PARP16: variants seen among roughly 807,000 people sequenced by gnomAD.
PARP16 encodes protein mono-ADP-ribosyltransferase PARP16.
Under a neutral mutation model 35.0 loss-of-function variants are expected in PARP16, and 31 were observed. The ratio of observed to expected loss-of-function variants is 0.88; its 90% CI spans 0.66 to 1.19. PARP16 has a LOEUF of 1.19. Among genes scored for constraint, PARP16 ranks in the 50% most tolerant of loss-of-function variants. The pLI, the probability that PARP16 is intolerant of heterozygous loss-of-function variation, is 0.00. For synonymous variants in PARP16, 162 were observed against 169.5 expected, an observed-to-expected ratio of 0.96 and a Z score of 0.34; for missense variants, 424 against 411.2, an observed-to-expected ratio of 1.03 and a Z score of -0.27.
downstream of PARP16, among the ~76,000 whole-genome samples, chr15:65,253,133 CAA>C (rs548065703): frequency 5.9e-5 from 5 of 84,810 alleles, no homozygotes; most frequent in Non-Finnish European, 2.5e-5. Context: ...AACTCCGTCT[CAA>C]AAAAAAAAAA....
intron 1 of PARP16, among the ~76,000 whole-genome samples, chr15:65,279,955 C>T (rs1267829870): frequency 6.6e-6 from 1 of 151,526 alleles, no homozygotes; most frequent in Non-Finnish European, 1.5e-5. Context: ...AAAGAATGAT[C>T]TTTCCAAACC....
intron 1 of PARP16, among the ~76,000 whole-genome samples, chr15:65,280,270 CTACTAAAAA>C (rs1026472560): frequency 2.6e-5 from 4 of 151,806 alleles, no homozygotes; most frequent in Non-Finnish European, 5.9e-5. Flanking sequence ...AACCCCATCT[CTACTAAAAA>C]TACAAAAATT....
Position 65,271,025 on chromosome 15 carries a change from G to A in PARP16, c.222C>T (p.Ser74=), listed in dbSNP as rs778351240. The A allele has an allele frequency of 2.3e-5, 37 of 1,613,492 alleles. No individual in the cohort carries two copies. Among genetic ancestry groups the A allele is most frequent in the African/African-American group, 2.7e-5 (2 of 74,902 alleles). Residue 74 remains serine, a synonymous_variant, in exon 2 of 6, where the codon TCC becomes TCT. Transcript: ENST00000649807. ...KLPNLKELLQ[S]SGDNHKRAWD... ...AGGCCCGTTTGTGGTTGTCTCCGGA[G>A]GACTGGAGAAGTTCTTTCAGGTTAG...
intron 3 of PARP16, among the ~76,000 whole-genome samples, chr15:65,237,879 C>T (rs1567007176): frequency 6.6e-6 from 1 of 152,240 alleles, no homozygotes; most frequent in Non-Finnish European, 1.5e-5. Flanking sequence ...CAGGCTCCCT[C>T]TCCTTCAGGA....
chr15:65,254,941 AACTG>A (rs371273921), downstream of PARP16, among the ~76,000 whole-genome samples: 12 of 152,184 alleles, frequency 7.9e-5, no homozygotes, highest in African/African-American at 2.9e-4. Context: ...TTCTGGTAGA[AACTG>A]ACAGCTCATG....
downstream of PARP16, among the ~76,000 whole-genome samples, chr15:65,253,145 A>C (rs934918967): frequency 1.4e-5 from 2 of 139,822 alleles, no homozygotes; most frequent in South Asian, 2.2e-4. Flanking sequence ...AAAAAAAAAA[A>C]AACAAAACAA....
At chr15:65,285,457 T>C in intron 1 of PARP16, 1 of 352,740 alleles carries the variant, frequency 2.8e-6, no homozygotes, top group Admixed American at 3.0e-5. Flanking sequence ...TTTTTAACAG[T>C]GAAGAATGTT....
chr15:65,235,031 G>C (rs556638719), intron 3 of PARP16, among the ~76,000 whole-genome samples: 1 of 152,054 alleles, frequency 6.6e-6, no homozygotes, highest in Non-Finnish European at 1.5e-5. Context: ...AGCATTAAGA[G>C]ATATACTTCA....
At chr15:65,255,006 C>G (rs1210768146), downstream of PARP16, among the ~76,000 whole-genome samples, 2 of 152,190 alleles carry the variant, frequency 1.3e-5, no homozygotes, top group Non-Finnish European at 2.9e-5. Context: ...GAGGTCCCCC[C>G]TTACAATGGC....
intron 3 of PARP16, among the ~76,000 whole-genome samples, chr15:65,245,501 G>T (rs576170212): frequency 1.3e-5 from 2 of 152,136 alleles, no homozygotes; most frequent in Non-Finnish European, 2.9e-5. Flanking sequence ...CCCAGATCTC[G>T]CCAGGAACAC....
intron 2 of PARP16, among the ~76,000 whole-genome samples, chr15:65,251,795 C>G (rs544152398): frequency 1.3e-5 from 2 of 151,424 alleles, no homozygotes; most frequent in African/African-American, 2.4e-5. Context: ...GATGGAATCT[C>G]GCTCTGTCGC....
chr15:65,232,175 G>C (rs923064131), downstream of PARP16, among the ~76,000 whole-genome samples: 1 of 152,120 alleles, frequency 6.6e-6, no homozygotes, highest in African/African-American at 2.4e-5. Flanking sequence ...CTTAAGAATA[G>C]GGAAATTAAG....
chr15:65,267,905 C>T (rs989187314), intron 2 of PARP16, among the ~76,000 whole-genome samples: 9 of 151,698 alleles, frequency 5.9e-5, no homozygotes, highest in African/African-American at 2.2e-4. Context: ...CTTGGCCAGG[C>T]TGGTCTTGAA....
intron 1 of PARP16, among the ~76,000 whole-genome samples, chr15:65,283,780 C>T (rs2090491852): frequency 6.6e-6 from 1 of 152,178 alleles, no homozygotes; most frequent in African/African-American, 2.4e-5. Flanking sequence ...ATCCTTAGCA[C>T]CTGTCCCATA....
At chr15:65,270,443 C>T (rs2090058682) in intron 2 of PARP16, among the ~76,000 whole-genome samples, 1 of 152,166 alleles carries the variant, frequency 6.6e-6, no homozygotes, top group Non-Finnish European at 1.5e-5. Flanking sequence ...TGAGTTCTGC[C>T]TCTCCATCTC....
rs1327723868 is a variant in PARP16 at position 65,266,667 on chromosome 15, A to G, written c.414T>C (p.Phe138=). The stretch of plus-strand genomic sequence containing the variant: ...GGTCTCGTTCTCCTTTGGTCTCATA[A>G]AATTTGGCGTTGGCTGGGTCAAAGT... ...IEYFDPANAK[F]YETKGERDLI... is the part of the protein sequence containing the mutation. Residue 138 remains phenylalanine (F), a synonymous_variant, in exon 3 of 6, where the codon TTT becomes TTC. Transcript: ENST00000649807. 6.2e-7 allele frequency: 1 copy of G among 1,614,020 alleles called. No homozygotes were observed. The highest frequency in any genetic ancestry group is 1.7e-5 in the Admixed American group (1 of 60,008).
intron 3 of PARP16, among the ~76,000 whole-genome samples, chr15:65,235,179 C>T (rs1327325390): frequency 4.0e-5 from 6 of 151,498 alleles, no homozygotes; most frequent in East Asian, 3.9e-4. Flanking sequence ...TAGTGGTGGG[C>T]GCCTGTAGTC....
chr15:65,252,777 T>C (rs959547514), intron 2 of PARP16, among the ~76,000 whole-genome samples: 1 of 152,166 alleles, frequency 6.6e-6, no homozygotes, highest in Non-Finnish European at 1.5e-5. Flanking sequence ...TGCACATGTG[T>C]ATGAATAAGC....
chr15:65,239,974 T>TTTTTTTTTTTTTTTTTTTC (rs71136329), intron 3 of PARP16, among the ~76,000 whole-genome samples: 2 of 142,348 alleles, frequency 1.4e-5, no homozygotes, highest in Admixed American at 7.0e-5. Context: ...TTTTTTTTTT[T>TTTTTTTTTTTTTTTTTTTC]AAATACAGGG....
Sources: gnomAD v4.1 joint callset for allele counts (sites outside exome capture counted in the v4.1 genomes callset) on GRCh38, gnomAD v4.1.1 for gene constraint, MANE v1.5 for transcripts, NCBI Gene and HGNC (gene_info 2026-07-23, HGNC 2026-07-21) for gene names.